EYS: variants seen among roughly 807,000 people sequenced by gnomAD.
The protein encoded by EYS is protein eyes shut homolog.
A neutral mutation model predicts 282.1 loss-of-function variants in EYS; 250 were observed. The ratio of observed to expected loss-of-function variants is 0.89; its 90% confidence interval spans 0.80 to 0.98. The LOEUF is 0.98. EYS is among the 50% of genes least tolerant of loss of function. EYS has a pLI of 0.00. For missense variants in EYS, 4,016 were observed against 3,709.0 expected, an observed-to-expected ratio of 1.08 and a Z score of -2.15; for synonymous variants, 1,355 against 1,282.9, an observed-to-expected ratio of 1.06 and a Z score of -1.20.
At chr6:65,093,942 A>C (rs1052446004) in intron 12 of EYS, among the ~76,000 whole-genome samples, 2 of 151,782 alleles carry the variant, frequency 1.3e-5, no homozygotes, top group African/African-American at 4.8e-5. Context: ...GGAGAAAGAT[A>C]TCCCATGCAA....
intron 41 of EYS, among the ~76,000 whole-genome samples, chr6:63,747,030 G>A (rs938388070): frequency 5.3e-5 from 8 of 152,180 alleles, no homozygotes; most frequent in African/African-American, 1.9e-4. Context: ...ATGTTCGGGT[G>A]ATGATTTTAC....
intron 26 of EYS, among the ~76,000 whole-genome samples, chr6:64,533,299 G>T (rs1764412214): frequency 6.6e-6 from 1 of 152,156 alleles, no homozygotes; most frequent in Admixed American, 6.5e-5. Flanking sequence ...ACTTGAAGAA[G>T]TATGTAGTAA....
At chr6:64,260,522 T>C (rs1234505772) in intron 30 of EYS, among the ~76,000 whole-genome samples, 3 of 152,118 alleles carry the variant, frequency 2.0e-5, no homozygotes, top group Non-Finnish European at 1.5e-5. Flanking sequence ...AATTTTGTAA[T>C]GGAGGTACTG....
intron 12 of EYS, among the ~76,000 whole-genome samples, chr6:65,123,424 T>G (rs1181590595): frequency 6.6e-6 from 1 of 152,146 alleles, no homozygotes; most frequent in Non-Finnish European, 1.5e-5. Flanking sequence ...TTAAATATAA[T>G]TAATTGAATT....
At chr6:64,346,438 A>G (rs1198583322) in intron 29 of EYS, among the ~76,000 whole-genome samples, 1 of 151,972 alleles carries the variant, frequency 6.6e-6, no homozygotes, top group Non-Finnish European at 1.5e-5. Context: ...CATTCTCAGC[A>G]AACTATCACA....
chr6:65,357,446 T>C (rs921397160), intron 8 of EYS, among the ~76,000 whole-genome samples: 1 of 151,964 alleles, frequency 6.6e-6, no homozygotes, highest in African/African-American at 2.4e-5. Flanking sequence ...ATAAACTAAA[T>C]GTTTGTCTTT....
chr6:63,849,448 C>A (rs1772184971), intron 36 of EYS, among the ~76,000 whole-genome samples: 1 of 152,168 alleles, frequency 6.6e-6, no homozygotes, highest in East Asian at 1.9e-4. Context: ...CACTGGCTGG[C>A]ATCTGTCTGG....
intron 19 of EYS, among the ~76,000 whole-genome samples, chr6:64,851,433 A>G (rs1765882237): frequency 6.6e-6 from 1 of 152,120 alleles, no homozygotes; most frequent in South Asian, 2.1e-4. Flanking sequence ...GCCCAAGATG[A>G]AATACTCAGA....
intron 12 of EYS, 57 bp downstream of exon 12, chr6:65,295,806 T>A: frequency 1.5e-6 from 2 of 1,334,956 alleles, no homozygotes; most frequent in Non-Finnish European, 2.1e-6. Flanking sequence ...ATCAAATAAA[T>A]ATATTAACAA....
rs138847361 is a variant in EYS, at chr6:64,754,304, A to T, written c.3443+59074T>A. ...CAATATTGAACCAGGAAGAAACAGA[A>T]ATCTTAAACAGACCAATAAAAAGGA... On this transcript the variant is annotated intron_variant, in intron 22 of 42. Coordinates refer to ENST00000503581, the MANE Select transcript of EYS (RefSeq NM_001142800.2). Among the ~76,000 whole-genome samples, 21 of 152,238 alleles carry T rather than the reference A, an allele frequency of 1.4e-4. No individual in the cohort carries two copies. In the East Asian group the frequency reaches 4.1e-3, roughly 29 times the overall value.
At chr6:65,560,943 T>C in intron 2 of EYS, among the ~76,000 whole-genome samples, 1 of 152,142 alleles carries the variant, frequency 6.6e-6, no homozygotes, top group Non-Finnish European at 1.5e-5. Flanking sequence ...TGAAGATTTT[T>C]TTTTAAAGAC....
chr6:64,379,865 T>TA (rs917029905), intron 29 of EYS, among the ~76,000 whole-genome samples: 27 of 152,218 alleles, frequency 1.8e-4, no homozygotes, highest in African/African-American at 5.5e-4. Context: ...GGAATAAACT[T>TA]AAAAAAATAA....
At chr6:63,947,747 G>GA (rs1455484091) in intron 35 of EYS, among the ~76,000 whole-genome samples, 1 of 151,828 alleles carries the variant, frequency 6.6e-6, no homozygotes, top group Non-Finnish European at 1.5e-5. Context: ...TAAGCAATTA[G>GA]AAAAAAAATG....
chr6:64,295,215 A>C (rs563971323), intron 30 of EYS, among the ~76,000 whole-genome samples: 52 of 149,534 alleles, frequency 3.5e-4, no homozygotes, highest in African/African-American at 1.2e-3. Context: ...TCTACTAAAA[A>C]TATTTAAAAA....
At chr6:65,375,496 G>A (rs558167176) in intron 8 of EYS, among the ~76,000 whole-genome samples, 10 of 152,038 alleles carry the variant, frequency 6.6e-5, no homozygotes, top group African/African-American at 2.2e-4. Context: ...AAATGATCAC[G>A]ACTCCTCTCC....
chr6:64,832,748 T>C (rs9453082), intron 19 of EYS, among the ~76,000 whole-genome samples: 25,302 of 151,888 alleles, frequency 0.17, 2,141 homozygotes, highest in Middle Eastern at 0.2. Flanking sequence ...ACATATTAAA[T>C]GTATGTAGTG....
chr6:64,362,356 C>T (rs1772045240), intron 29 of EYS, among the ~76,000 whole-genome samples: 1 of 151,734 alleles, frequency 6.6e-6, no homozygotes, highest in Non-Finnish European at 1.5e-5. Context: ...ATACTTTCCA[C>T]AGGCATAATA....
chr6:64,802,330 G>A (rs1397951599), intron 22 of EYS, among the ~76,000 whole-genome samples: 1 of 151,898 alleles, frequency 6.6e-6, no homozygotes, highest in Non-Finnish European at 1.5e-5. Context: ...GGGATTACAG[G>A]AGTGAGCCAC....
chr6:63,912,683 T>A (rs1764291929), intron 35 of EYS, among the ~76,000 whole-genome samples: 1 of 152,106 alleles, frequency 6.6e-6, no homozygotes, highest in African/African-American at 2.4e-5. Context: ...GGGGTGGATT[T>A]CTCATGAATG....
Sources: gnomAD v4.1 joint callset for allele counts (sites outside exome capture counted in the v4.1 genomes callset) on GRCh38, gnomAD v4.1.1 for gene constraint, MANE v1.5 for transcripts, NCBI Gene and HGNC (gene_info 2026-07-23, HGNC 2026-07-21) for gene names.